The following IL16 variants were observed in gnomAD, a reference collection of about 807,000 sequenced individuals.
The protein encoded by IL16 is interleukin 16, also known as pro-interleukin-16.
IL16 carries 67 observed loss-of-function variants against 110.1 expected under a neutral mutation model. The observed-to-expected ratio is 0.61, with a 90% CI of 0.50 to 0.75. IL16 has a LOEUF of 0.75. Ranked by LOEUF, IL16 falls within the 30% of genes least tolerant of loss-of-function variation. IL16 has a pLI of 0.00. For synonymous variants in IL16, 689 were observed against 662.9 expected, an observed-to-expected ratio of 1.04 and a Z score of -0.61; for missense variants, 1,545 against 1,655.0, an observed-to-expected ratio of 0.93 and a Z score of 1.15.
At chr15:81,204,749 T>TA (rs397969205) in intron 1 of IL16, among the ~76,000 whole-genome samples, 323 of 118,176 alleles carry the variant, frequency 2.7e-3, no homozygotes, top group Middle Eastern at 7.5e-3. Context: ...ATAACAAAAT[T>TA]AAAAAAAAAA....
intron 1 of IL16, among the ~76,000 whole-genome samples, chr15:81,205,642 C>A (rs1895988986): frequency 6.6e-6 from 1 of 151,818 alleles, no homozygotes; most frequent in Admixed American, 6.6e-5. Context: ...AAAGATGAAT[C>A]AATTAAGCTC....
chr15:81,214,536 C>G (rs1896357032), intron 1 of IL16, among the ~76,000 whole-genome samples: 1 of 146,422 alleles, frequency 6.8e-6, no homozygotes, highest in Non-Finnish European at 1.5e-5. Flanking sequence ...ACCCTACTCT[C>G]TAATTGCCTT....
chr15:81,189,085 C>G (rs1009590093), intron 1 of IL16, among the ~76,000 whole-genome samples: 50 of 151,494 alleles, frequency 3.3e-4, no homozygotes, highest in Admixed American at 6.6e-5. Context: ...TCCTAAGTAA[C>G]TGAGACTATA....
intron 1 of IL16, among the ~76,000 whole-genome samples, chr15:81,183,771 G>A (rs930744782): frequency 1.1e-4 from 16 of 152,198 alleles, no homozygotes; most frequent in South Asian, 8.3e-4. Context: ...GCCATGGGGC[G>A]TGGCCACCTG....
intron 1 of IL16, among the ~76,000 whole-genome samples, chr15:81,187,956 G>T (rs1442436830): frequency 6.6e-6 from 1 of 152,170 alleles, no homozygotes; most frequent in Non-Finnish European, 1.5e-5. Flanking sequence ...GGTTCTGACA[G>T]TGAGGTTAGA....
rs573422901 is a variant in IL16 at position 81,241,510 on chromosome 15, A to ATTAG, written c.312+15802_312+15805dup. Among the ~76,000 whole-genome samples, 12 of 152,228 alleles carry ATTAG rather than the reference A, an allele frequency of 7.9e-5. No homozygotes were observed. In the South Asian group the frequency reaches 2.5e-3, roughly 32 times the overall value. On this transcript the variant is annotated intron_variant, in intron 2 of 18. Transcript: ENST00000683961. ...CAAGGGCTTACATATCTTTCATTAGATTAGTTCCCAGGCATTCCTCATTTT... is the reference window on the plus strand; with the variant it reads ...CAAGGGCTTACATATCTTTCATTAGATTAGTTAGTTCCCAGGCATTCCTCATTTT...
rs140651608 is a variant in IL16 at position 81,261,925 on chromosome 15, A to G, written c.421+2045A>G. Among the ~76,000 whole-genome samples the G allele has an allele frequency of 6.2e-3, 947 of 152,242 alleles. 9 individuals are homozygous for G. The highest frequency in any genetic ancestry group is 0.014 in the South Asian group (69 of 4,818). On this transcript the variant is annotated intron_variant, in intron 3 of 18. Transcript: ENST00000683961. ...CTCTACAAAAAATTTTTTTAAAAAA[A>G]GAAAACCCACTAGGCATGATGGCTC... is the stretch of plus-strand genomic sequence containing the variant.
intron 8 of IL16, among the ~76,000 whole-genome samples, chr15:81,280,591 A>T (rs1211712665): frequency 6.6e-6 from 1 of 152,214 alleles, no homozygotes. Flanking sequence ...ACTTGCAGCC[A>T]TTTGGGTCAG....
chr15:81,267,491 C>CACACACACACACACACAT (rs1555420234), intron 4 of IL16, among the ~76,000 whole-genome samples: 7 of 149,604 alleles, frequency 4.7e-5, no homozygotes, highest in African/African-American at 1.8e-4. Context: ...CACACACACA[C>CACACACACACACACACAT]ACACACACAC....
chr15:81,270,557 T>G (rs1032614933), intron 5 of IL16, among the ~76,000 whole-genome samples: 1 of 152,168 alleles, frequency 6.6e-6, no homozygotes, highest in Non-Finnish European at 1.5e-5. Flanking sequence ...GGACGAATGC[T>G]CCTCTGATCA....
chr15:81,268,086 T>A (rs1898471659), intron 4 of IL16, among the ~76,000 whole-genome samples: 1 of 152,166 alleles, frequency 6.6e-6, no homozygotes, highest in South Asian at 2.1e-4. Flanking sequence ...AGAGGAAGGT[T>A]GTTTCTGGGA....
At chr15:81,211,865 A>G (rs1896256427) in intron 1 of IL16, among the ~76,000 whole-genome samples, 1 of 152,160 alleles carries the variant, frequency 6.6e-6, no homozygotes, top group East Asian at 1.9e-4. Context: ...AATAAAGCCT[A>G]CTTGATCGTG....
At chr15:81,253,031 A>C (rs183428977) in intron 2 of IL16, among the ~76,000 whole-genome samples, 1 of 152,254 alleles carries the variant, frequency 6.6e-6, no homozygotes, top group East Asian at 1.9e-4. Flanking sequence ...CTCTATACTT[A>C]ACTTTTTGAA....
At chr15:81,277,183 G>A (rs559996022) in intron 6 of IL16, among the ~76,000 whole-genome samples, 20 of 152,198 alleles carry the variant, frequency 1.3e-4, no homozygotes, top group Admixed American at 3.9e-4. Context: ...AGTAGGCCAC[G>A]CAGATCAAAG....
chr15:81,293,142 T>C (rs950466650), intron 12 of IL16, 105 bp downstream of exon 12: 21 of 1,235,248 alleles, frequency 1.7e-5, no homozygotes, highest in African/African-American at 6.0e-5. Context: ...TGAAAGTTTC[T>C]CCTGCTCCAC....
chr15:81,279,376 A>G (rs1161237516), intron 7 of IL16, among the ~76,000 whole-genome samples, 182 bp from the exon 8 acceptor site: 1 of 152,238 alleles, frequency 6.6e-6, no homozygotes, highest in Non-Finnish European at 1.5e-5. Context: ...ATGTAAATAT[A>G]TATAGTAGTT....
intron 1 of IL16, among the ~76,000 whole-genome samples, chr15:81,219,190 C>T (rs1200168700): frequency 4.6e-5 from 7 of 152,126 alleles, no homozygotes; most frequent in Non-Finnish European, 1.0e-4. Flanking sequence ...TACTAATTAA[C>T]GACACTGTGT....
Position 81,273,181 on chromosome 15 carries a change from CA to C in IL16, c.768del (p.Ala257ProfsTer22), listed in dbSNP as rs1350261506. The C allele has an allele frequency of 1.2e-6, 2 of 1,612,692 alleles. No homozygotes were observed. Among genetic ancestry groups the C allele is most frequent in the Non-Finnish European group, 1.7e-6 (2 of 1,179,250 alleles). Reference protein sequence around the residue: ...VKTIFAGGAAAADGRLQEGDE... With the variant: ...VKTIFAGGAAXADGRLQEGDE... ...ACCATTTTTGCAGGGGGAGCAGCAG[CA>C]GCCGATGGAAGGCTACAGGAAGGTA... On this transcript the variant is annotated frameshift_variant, in exon 6 of 19. Coordinates refer to ENST00000683961, the MANE Select transcript of IL16 (RefSeq NM_172217.5). LOFTEE classifies it high-confidence loss of function.
Position 81,225,793 on chromosome 15 carries a change from C to G in IL16, c.312+82C>G, listed in dbSNP as rs1395912157. 4 of 1,248,140 alleles carry G rather than the reference C, an allele frequency of 3.2e-6. No individual in the cohort carries two copies. In the African/African-American group the frequency reaches 6.1e-5, roughly 19 times the overall value. 77.3% of individuals were successfully genotyped at this position (1,248,140 alleles called of 1,614,324 possible). On this transcript the variant is annotated intron_variant, in intron 2 of 18. Transcript: ENST00000683961. ...ATTAAAGTCTTTGAATCCATTTATT[C>G]AAAAATCATGAAGCTGCAGAGTTAT...
Sources: allele counts gnomAD v4.1 joint callset (sites outside exome capture counted in the v4.1 genomes callset), GRCh38; gene constraint gnomAD v4.1.1; transcripts MANE v1.5; gene names NCBI Gene and HGNC (gene_info 2026-07-23, HGNC 2026-07-21).